ARHGEF17: variants seen among roughly 807,000 people sequenced by gnomAD.
ARHGEF17 encodes the protein 164 kDa Rho-specific guanine-nucleotide exchange factor.
Under a neutral mutation model 174.0 loss-of-function variants are expected in ARHGEF17, and 80 were observed. The observed-to-expected ratio is 0.46, with a 90% confidence interval of 0.38 to 0.55. ARHGEF17 has a LOEUF of 0.55. Among genes scored for constraint, ARHGEF17 ranks in the 20% least tolerant of loss-of-function variants. ARHGEF17 has a pLI of 0.00. For missense variants in ARHGEF17, 2,886 were observed against 2,839.7 expected (o/e 1.02, Z -0.37); for synonymous variants, 1,311 against 1,189.1 (o/e 1.10, Z -2.11).
chr11:73,326,954 A>G (rs1865112088), intron 1 of ARHGEF17, among the ~76,000 whole-genome samples: 1 of 152,186 alleles, frequency 6.6e-6, no homozygotes, highest in Admixed American at 6.5e-5. Flanking sequence ...GGGAGGCGTT[A>G]GAGTGAGACA....
intron 1 of ARHGEF17, among the ~76,000 whole-genome samples, chr11:73,321,963 G>A (rs966948975): frequency 6.6e-6 from 1 of 152,186 alleles, no homozygotes; most frequent in Non-Finnish European, 1.5e-5. Flanking sequence ...CCCGCACAGC[G>A]CTGTGGAGCA....
chr11:73,346,989 A>G (rs777764272), intron 2 of ARHGEF17, 29 bp downstream of exon 2: 1 of 1,583,956 alleles, frequency 6.3e-7, no homozygotes, highest in Non-Finnish European at 8.6e-7. Context: ...TCCCCTGAGA[A>G]TGGCCTTTCT....
chr11:73,308,877 C>G lies in ARHGEF17; in HGVS notation c.239C>G (p.Pro80Arg), dbSNP rs892596178. ...AQPRPLRSLSPSVRQLSRRFD... is the reference protein window; with the variant it reads ...AQPRPLRSLSRSVRQLSRRFD... ...CCGCGCCCGCTCCGCAGCCTCTCGC[C>G]GTCGGTTCGCCAGCTCTCCCGGCGC... Residue 80 changes from proline (P) to arginine (R), a missense_variant, in exon 1 of 21, where the codon CCG (proline) becomes CGG (arginine). Coordinates refer to ENST00000263674, the MANE Select transcript of ARHGEF17 (RefSeq NM_014786.4). The G allele has an allele frequency of 1.5e-6, 2 of 1,358,788 alleles. No homozygotes were observed. Among genetic ancestry groups the G allele is most frequent in the Non-Finnish European group, 1.9e-6 (2 of 1,062,318 alleles). 84.2% of individuals were successfully genotyped at this position (1,358,788 alleles called of 1,614,324 possible). A position where few individuals can be genotyped will look rare whatever the true frequency, so the allele number is the denominator to read the frequency against.
chr11:73,357,069 G>A lies in ARHGEF17; in HGVS notation c.3936G>A (p.Thr1312=), dbSNP rs201816888. 1.1e-5 allele frequency: 17 copies of A among 1,614,160 alleles called. No individual in the cohort carries two copies. The highest frequency in any genetic ancestry group is 6.7e-5 in the East Asian group (3 of 44,876). The part of the protein sequence containing the change: ...GKKDRSLFLF[T]DLIVCTTLKR... Reference sequence around the variant, plus strand: ...AGGACCGGTCTCTCTTCCTGTTCACGGACCTCATCGTCTGCACCACTCTGA... The same window carrying A: ...AGGACCGGTCTCTCTTCCTGTTCACAGACCTCATCGTCTGCACCACTCTGA... Residue 1312 remains threonine, a synonymous_variant, in exon 8 of 21, where the codon ACG becomes ACA. Transcript: ENST00000263674.
intron 1 of ARHGEF17, among the ~76,000 whole-genome samples, chr11:73,335,923 T>C (rs1035187417): frequency 3.7e-4 from 57 of 152,194 alleles, no homozygotes; most frequent in African/African-American, 1.3e-3. Flanking sequence ...AATAGATAAG[T>C]ATTGTACACC....
In ARHGEF17 at chr11:73,364,754, C is replaced by T; in HGVS notation, c.5550+154C>T. The T allele has an allele frequency of 3.3e-6, 3 of 901,932 alleles. No individual in the cohort carries two copies. The South Asian group carries it at 6.1e-5, about 18-fold the overall frequency. The allele number at this position is 901,932 out of a possible 1,614,324, so 55.9% of individuals were successfully genotyped here. ...AGTGACGCTGGCCAGTCCCTGTCCT[C>T]CTTCGATCCTCATTTCTTCTGTAGC... On this transcript the variant is annotated intron_variant, in intron 18 of 20. Transcript: ENST00000263674.
chr11:73,346,756 G>C (rs1472077754), intron 1 of ARHGEF17, 127 bp from the exon 2 acceptor site: 1 of 685,790 alleles, frequency 1.5e-6, no homozygotes, highest in African/African-American at 1.9e-5. Context: ...AGCCCTGGGC[G>C]GCAGGAGGGA....
At chr11:73,346,854 C>T in intron 1 of ARHGEF17, 29 bp from the exon 2 acceptor site, 2 of 1,437,944 alleles carry the variant, frequency 1.4e-6, no homozygotes, top group East Asian at 5.4e-5. Context: ...AAAAAGACCC[C>T]TGTTCACCCT....
chr11:73,346,820 C>A, intron 1 of ARHGEF17, 63 bp from the exon 2 acceptor site: 1 of 1,309,672 alleles, frequency 7.6e-7, no homozygotes, highest in Non-Finnish European at 1.0e-6. Context: ...CACCATGTGG[C>A]TACAGGTGAT....
rs1177215787 is a variant in ARHGEF17 at position 73,309,361 on chromosome 11, T to C, written c.723T>C (p.Pro241=). The change falls in exon 1 of 21, where the codon CCT becomes CCC. Residue 241 remains proline (P), a synonymous_variant. Transcript: ENST00000263674. ...CSSSSIAASY[P]VSRSRAASSS... ...CCTCCTCCATCGCCGCCTCCTATCC[T>C]GTCAGCCGCAGTCGTGCTGCCAGCT... 1.2e-6 allele frequency: 2 copies of C among 1,601,600 alleles called. No homozygotes were observed. The highest frequency in any genetic ancestry group is 1.1e-5 in the South Asian group (1 of 89,854).
rs1164051322 is a variant in ARHGEF17 at position 73,329,322 on chromosome 11, CATATATATATATATAT to C, written c.3193-17524_3193-17509del. Among the ~76,000 whole-genome samples, 71 of 15,310 alleles carry C rather than the reference CATATATATATATATAT, an allele frequency of 4.6e-3. 5 individuals carry two copies. The highest frequency in any genetic ancestry group is 0.018 in the South Asian group (4 of 226). 10.0% of individuals were successfully genotyped at this position (15,310 alleles called of 152,430 possible). On this transcript the variant is annotated intron_variant, in intron 1 of 20. Coordinates refer to ENST00000263674, the MANE Select transcript of ARHGEF17 (RefSeq NM_014786.4). Reference sequence around the variant, plus strand: ...GCCTTATCAGTATTTTGAGAGCTTTCATATATATATATATATATATATATATATATATATATATATA... The same window carrying C: ...GCCTTATCAGTATTTTGAGAGCTTTCATATATATATATATATATATATATA...
intron 1 of ARHGEF17, among the ~76,000 whole-genome samples, chr11:73,344,955 C>T (rs571428790): frequency 2.0e-5 from 3 of 152,174 alleles, no homozygotes; most frequent in Non-Finnish European, 4.4e-5. Context: ...CTGACATGAC[C>T]CCTCACCTGT....
chr11:73,324,277 G>A (rs1463870929), intron 1 of ARHGEF17, among the ~76,000 whole-genome samples: 1 of 152,172 alleles, frequency 6.6e-6, no homozygotes, highest in Non-Finnish European at 1.5e-5. Flanking sequence ...ATTCTGGTCG[G>A]GTGGATCCAC....
At chr11:73,331,400 C>T (rs1343251983) in intron 1 of ARHGEF17, among the ~76,000 whole-genome samples, 1 of 152,132 alleles carries the variant, frequency 6.6e-6, no homozygotes, top group Non-Finnish European at 1.5e-5. Context: ...TCTTGGCTTT[C>T]CTGGGCCCCT....
At chr11:73,353,888 A>G in intron 3 of ARHGEF17, among the ~76,000 whole-genome samples, 1 of 152,384 alleles carries the variant, frequency 6.6e-6, no homozygotes, top group East Asian at 1.9e-4. Context: ...TAAGAATTTA[A>G]TTACATTTGA....
rs79237886 is a variant in ARHGEF17 at position 73,344,954 on chromosome 11, C to T, written c.3193-1929C>T. Among the ~76,000 whole-genome samples, 930 of 152,296 alleles carry T rather than the reference C, an allele frequency of 6.1e-3. 9 individuals carry two copies. Among genetic ancestry groups the T allele is most frequent in the Middle Eastern group, 0.027 (8 of 294 alleles). ...AAGTCATGTCACCTCTCTGACATGACCCCTCACCTGTGCAGTGGAAATGGC... is the reference window on the plus strand; with the variant it reads ...AAGTCATGTCACCTCTCTGACATGATCCCTCACCTGTGCAGTGGAAATGGC... On this transcript the variant is annotated intron_variant, in intron 1 of 20. Coordinates refer to ENST00000263674, the MANE Select transcript of ARHGEF17 (RefSeq NM_014786.4).
intron 1 of ARHGEF17, among the ~76,000 whole-genome samples, chr11:73,317,954 C>G (rs1011466393): frequency 2.6e-5 from 4 of 152,182 alleles, no homozygotes; most frequent in African/African-American, 9.7e-5. Flanking sequence ...GTCAGGAGAT[C>G]AGCTTTGCCT....
intron 1 of ARHGEF17, among the ~76,000 whole-genome samples, chr11:73,313,917 A>G (rs1484485290): frequency 1.3e-5 from 2 of 152,162 alleles, no homozygotes; most frequent in Admixed American, 6.5e-5. Context: ...AAGAAGAAAA[A>G]TGGAGGCTGC....
At position 73,316,712 on chromosome 11, in the gene ARHGEF17, G is replaced by A. The variant is rs561722361; in HGVS notation, c.3192+4882G>A. Reference sequence around the variant, plus strand: ...GGTGGGTTAGGGTGAGGAAGATCATGTAGGCCAATAGGAGGACTTCAGCAC... The same window carrying A: ...GGTGGGTTAGGGTGAGGAAGATCATATAGGCCAATAGGAGGACTTCAGCAC... On this transcript the variant is annotated intron_variant, in intron 1 of 20. Coordinates refer to ENST00000263674, the MANE Select transcript of ARHGEF17 (RefSeq NM_014786.4). Among the ~76,000 whole-genome samples, 107 of 152,356 alleles carry A rather than the reference G, an allele frequency of 7.0e-4. No homozygotes were observed. In the Middle Eastern group the frequency reaches 0.014, roughly 19 times the overall value.
Sources: gnomAD v4.1 joint callset for allele counts (sites outside exome capture counted in the v4.1 genomes callset) on GRCh38, gnomAD v4.1.1 for gene constraint, MANE v1.5 for transcripts, NCBI Gene and HGNC (gene_info 2026-07-23, HGNC 2026-07-21) for gene names.